The following CROT variants were observed in gnomAD, a reference collection of about 807,000 sequenced individuals.
CROT encodes peroxisomal carnitine O-octanoyltransferase.
A neutral mutation model predicts 89.2 loss-of-function variants in CROT; 84 were observed. The observed-to-expected ratio is 0.94, with a 90% confidence interval of 0.79 to 1.13. The LOEUF (loss-of-function observed/expected upper bound fraction) is 1.13, where lower values mean the gene tolerates loss of function less well. Among genes scored for constraint, CROT ranks in the 50% most tolerant of loss-of-function variants. The pLI, the probability that CROT is intolerant of heterozygous loss-of-function variation, is 0.00. For synonymous variants in CROT, 212 were observed against 239.5 expected, an observed-to-expected ratio of 0.89 and a Z score of 1.06; for missense variants, 711 against 727.8, an observed-to-expected ratio of 0.98 and a Z score of 0.27.
At chr7:87,362,484 T>C (rs1400581530) in intron 6 of CROT, among the ~76,000 whole-genome samples, 1 of 151,948 alleles carries the variant, frequency 6.6e-6, no homozygotes, top group Non-Finnish European at 1.5e-5. Context: ...TTTGTAGAGA[T>C]GGAGTTTCAC....
At chr7:87,368,126 T>A (rs1363394627) in intron 6 of CROT, among the ~76,000 whole-genome samples, 1 of 152,188 alleles carries the variant, frequency 6.6e-6, no homozygotes, top group East Asian at 1.9e-4. Flanking sequence ...TTTAAGCAGA[T>A]CAACTCATGT....
intron 13 of CROT, among the ~76,000 whole-genome samples, chr7:87,385,628 G>T (rs1807162334): frequency 6.6e-6 from 1 of 152,110 alleles, no homozygotes; most frequent in South Asian, 2.1e-4. Context: ...CTGCAGACAG[G>T]ACAATTTGAC....
rs802058 is a variant in CROT, at chr7:87,372,019, A to C, written c.656+2535A>C. ...AAAAAAAAAAAAACAAAAAAAAAAA[A>C]ACAAAAAAAAGCTATATCTAGTCAA... On this transcript the variant is annotated intron_variant, in intron 7 of 17. Coordinates refer to ENST00000331536, the MANE Select transcript of CROT (RefSeq NM_021151.4). Among the ~76,000 whole-genome samples, 1,237 of 151,184 alleles carry C rather than the reference A, an allele frequency of 8.2e-3. 30 individuals carry two copies. Among genetic ancestry groups the C allele is most frequent in the African/African-American group, 0.028 (1,149 of 41,166 alleles).
chr7:87,349,364 G>C (rs543955305), intron 3 of CROT, among the ~76,000 whole-genome samples, 181 bp downstream of exon 3: 1 of 152,118 alleles, frequency 6.6e-6, no homozygotes, highest in Non-Finnish European at 1.5e-5. Flanking sequence ...TTTATTGAAA[G>C]CTTCTCCATT....
intron 10 of CROT, among the ~76,000 whole-genome samples, chr7:87,378,362 A>T (rs976039320): frequency 6.6e-6 from 1 of 150,388 alleles, no homozygotes; most frequent in Admixed American, 6.6e-5. Flanking sequence ...AAAAAAAAAA[A>T]GGGTTCAGTA....
At chr7:87,387,825 G>C (rs1446010040) in intron 13 of CROT, among the ~76,000 whole-genome samples, 1 of 152,144 alleles carries the variant, frequency 6.6e-6, no homozygotes, top group Non-Finnish European at 1.5e-5. Flanking sequence ...TGTGGTGCAT[G>C]CCTGTAATTC....
In CROT at chr7:87,354,356, G is replaced by C. The variant is rs748914960; in HGVS notation, c.116-4850G>C. On this transcript the variant is annotated intron_variant, in intron 3 of 17. Transcript: ENST00000331536. ...CTTCTGCTTATGGGAAGCCCATTTAGATAACCTGGACATCAAACCTGATGA... is the reference window on the plus strand; with the variant it reads ...CTTCTGCTTATGGGAAGCCCATTTACATAACCTGGACATCAAACCTGATGA... The C allele has an allele frequency of 1.2e-5, 6 of 517,756 alleles. 1 individual carries two copies. Among genetic ancestry groups the C allele is most frequent in the South Asian group, 5.6e-5 (4 of 71,466 alleles). The allele number at this position is 517,756 out of a possible 1,614,324, so 32.1% of individuals were successfully genotyped here.
chr7:87,387,801 A>C (rs1807228355), intron 13 of CROT, among the ~76,000 whole-genome samples: 1 of 152,120 alleles, frequency 6.6e-6, no homozygotes, highest in South Asian at 2.1e-4. Flanking sequence ...AAAATACAAA[A>C]ATTAGCTGGG....
chr7:87,366,229 C>G (rs1806443283), intron 6 of CROT, among the ~76,000 whole-genome samples: 1 of 151,038 alleles, frequency 6.6e-6, no homozygotes, highest in Non-Finnish European at 1.5e-5. Context: ...CCCCTGTACC[C>G]TCGCAAGGGG....
In CROT at chr7:87,398,696, T is replaced by TG. The variant is rs772296969; in HGVS notation, c.*55dup. On this transcript the variant is annotated 3_prime_UTR_variant, in exon 18 of 18. Transcript: ENST00000331536. ...CAAAACATATCATTAAACTGAGTGCTGGGAGTGAGTTGGTAATATGAGATG... is the reference window on the plus strand; with the variant it reads ...CAAAACATATCATTAAACTGAGTGCTGGGGAGTGAGTTGGTAATATGAGATG... The TG allele has an allele frequency of 1.9e-6, 3 of 1,563,154 alleles. No homozygotes were observed. The East Asian group carries it at 6.8e-5, about 35-fold the overall frequency.
chr7:87,390,501 T>C (rs778675474), intron 13 of CROT, among the ~76,000 whole-genome samples: 4 of 152,206 alleles, frequency 2.6e-5, no homozygotes, highest in Admixed American at 1.3e-4. Context: ...TTTGAAGGGA[T>C]ACCATTTCAC....
chr7:87,374,587 T>C (rs568674265), intron 7 of CROT, among the ~76,000 whole-genome samples: 3 of 152,140 alleles, frequency 2.0e-5, no homozygotes, highest in South Asian at 2.1e-4. Context: ...CTAAAGAAAG[T>C]AAGCAGGAAG....
At chr7:87,377,264 G>A in intron 9 of CROT, 85 bp from the exon 10 acceptor site, 1 of 762,164 alleles carries the variant, frequency 1.3e-6, no homozygotes, top group Non-Finnish European at 2.1e-6. Flanking sequence ...AAGAGGAATG[G>A]TGAGATGATA....
chr7:87,358,933 T>C (rs1249338384), intron 3 of CROT, among the ~76,000 whole-genome samples: 1 of 152,190 alleles, frequency 6.6e-6, no homozygotes, highest in Non-Finnish European at 1.5e-5. Flanking sequence ...ATAGTGTAAA[T>C]AGGCTTGTGA....
chr7:87,361,425 T>G lies in CROT; in HGVS notation c.276T>G (p.Asp92Glu). 6.2e-7 allele frequency: 1 copy of G among 1,613,976 alleles called. No individual in the cohort carries two copies. Among genetic ancestry groups the G allele is most frequent in the African/African-American group, 1.3e-5 (1 of 75,054 alleles). ...EEWWLNVAYL[D>E]VRIPSQLNVN... ...GGTGGCTGAATGTTGCCTATCTGGA[T>G]GTTCGTATACCATCACAATTGAATG... Residue 92 changes from aspartate (D) to glutamate (E), a missense_variant, in exon 5 of 18, where the codon GAT becomes GAG. Coordinates refer to ENST00000331536, the MANE Select transcript of CROT (RefSeq NM_021151.4).
Position 87,345,693 on chromosome 7 carries a change from G to A in CROT, c.-187G>A, listed in dbSNP as rs1396861353. ...CAATTCCCGCACCTTTGAGGCCCAA[G>A]GGGGAGCGAGCCGGTGCTGCTGCAG... is the stretch of plus-strand genomic sequence containing the variant. On this transcript the variant is annotated 5_prime_UTR_variant, in exon 1 of 18. Transcript: ENST00000331536. The A allele has an allele frequency of 1.3e-5, 5 of 374,288 alleles. No homozygotes were observed. Among genetic ancestry groups the A allele is most frequent in the Non-Finnish European group, 2.4e-5 (5 of 211,240 alleles). 23.2% of individuals were successfully genotyped at this position (374,288 alleles called of 1,614,324 possible). A position where few individuals can be genotyped will look rare whatever the true frequency, so the allele number is the denominator to read the frequency against.
rs144234576 is a variant in CROT, at chr7:87,366,358, G to GA, written c.548-3009dup. Among the ~76,000 whole-genome samples the GA allele has an allele frequency of 3.4e-3, 506 of 149,008 alleles. 1 individual carries two copies. Among genetic ancestry groups the GA allele is most frequent in the African/African-American group, 0.012 (472 of 40,658 alleles). Reference sequence around the variant, plus strand: ...CCTTAACAATTTTAGCCTTTTTGGGGAAAAAAAAATGCCTTCAGGTTATAT... The same window carrying GA: ...CCTTAACAATTTTAGCCTTTTTGGGGAAAAAAAAAATGCCTTCAGGTTATAT... On this transcript the variant is annotated intron_variant, in intron 6 of 17. Transcript: ENST00000331536.
chr7:87,392,816 T>A lies in CROT; in HGVS notation c.1591T>A (p.Ser531Thr), dbSNP rs753730999. 1 of 1,613,486 alleles carries A rather than the reference T, an allele frequency of 6.2e-7. No individual in the cohort carries two copies. The highest frequency in any genetic ancestry group is 8.5e-7 in the Non-Finnish European group (1 of 1,179,608). Residue 531 changes from serine (S) to threonine (T), a missense_variant, in exon 16 of 18, where the codon TCC becomes ACC. Physicochemically the swap from Ser to Thr is moderately conservative, Grantham distance 58. Transcript: ENST00000331536. ...AGAACTCTTTACGGACCCACTTTTTTCCAAAAGGTAATATAGTGTAGTGTT... is the reference window on the plus strand; with the variant it reads ...AGAACTCTTTACGGACCCACTTTTTACCAAAAGGTAATATAGTGTAGTGTT... ...VPELFTDPLF[S>T]KSGGGGNFVL...
chr7:87,351,308 CAAAAAAAAAAA>C (rs11295263), intron 3 of CROT, among the ~76,000 whole-genome samples: 2 of 67,526 alleles, frequency 3.0e-5, no homozygotes, highest in African/African-American at 1.2e-4. Context: ...GACTCCATCT[CAAAAAAAAAAA>C]AAAAAAAAAA....
Sources: allele counts gnomAD v4.1 joint callset (sites outside exome capture counted in the v4.1 genomes callset), GRCh38; gene constraint gnomAD v4.1.1; transcripts MANE v1.5; gene names NCBI Gene and HGNC (gene_info 2026-07-23, HGNC 2026-07-21).